BLK: variants seen among roughly 807,000 people sequenced by gnomAD.
BLK encodes the protein tyrosine-protein kinase Blk.
In BLK, 64 loss-of-function variants were observed where a neutral mutation model predicts 61.8. The ratio of observed to expected loss-of-function variants is 1.03; its 90% confidence interval spans 0.85 to 1.27. BLK has a LOEUF of 1.27. Ranked by LOEUF, BLK falls within the 50% of genes most tolerant of loss-of-function variation. The probability of loss-of-function intolerance (pLI) is 0.00; values close to 1 mark genes in which losing one functional copy is unlikely to be tolerated. For missense variants in BLK, 853 were observed against 660.5 expected, an observed-to-expected ratio of 1.29 and a Z score of -3.19; for synonymous variants, 351 against 272.0, an observed-to-expected ratio of 1.29 and a Z score of -2.86.
chr8:11,547,608 G>T (rs898364936), intron 3 of BLK, among the ~76,000 whole-genome samples: 1 of 152,252 alleles, frequency 6.6e-6, no homozygotes, highest in Non-Finnish European at 1.5e-5. Context: ...CCCTACTGGG[G>T]ATAGAGGCAG....
chr8:11,495,818 C>A (rs557094139), intron 1 of BLK, among the ~76,000 whole-genome samples: 4 of 152,204 alleles, frequency 2.6e-5, no homozygotes, highest in Admixed American at 6.5e-5. Context: ...ATTGTGGTAA[C>A]AATTACTGCT....
chr8:11,496,331 C>A (rs1186604973), intron 1 of BLK, among the ~76,000 whole-genome samples: 1 of 152,178 alleles, frequency 6.6e-6, no homozygotes, highest in Admixed American at 6.5e-5. Flanking sequence ...CACTGACCTC[C>A]TGGGCTCAAG....
At chr8:11,545,748 G>A (rs1234379828) in intron 2 of BLK, 10 of 454,310 alleles carry the variant, frequency 2.2e-5, no homozygotes, top group Non-Finnish European at 2.8e-5. Flanking sequence ...TCTTGTAATG[G>A]TAGAGCCAGG....
intron 1 of BLK, among the ~76,000 whole-genome samples, chr8:11,529,905 C>G (rs1418346677): frequency 6.6e-6 from 1 of 152,110 alleles, no homozygotes; most frequent in Non-Finnish European, 1.5e-5. Context: ...CTCAAGGAAT[C>G]CAGGTGAATA....
intron 6 of BLK, among the ~76,000 whole-genome samples, chr8:11,552,085 T>C (rs1046197505): frequency 2.6e-5 from 4 of 152,124 alleles, no homozygotes; most frequent in African/African-American, 9.7e-5. Flanking sequence ...GTCTGGAATA[T>C]GAGTCTGGTT....
At chr8:11,514,915 T>C (rs532640620) in intron 1 of BLK, among the ~76,000 whole-genome samples, 2 of 152,258 alleles carry the variant, frequency 1.3e-5, no homozygotes, top group Admixed American at 1.3e-4. Flanking sequence ...TGCTCAAATC[T>C]AGGAGTCACT....
At chr8:11,551,311 C>T (rs80327577) in intron 6 of BLK, among the ~76,000 whole-genome samples, 4,466 of 152,256 alleles carry the variant, frequency 0.029, 96 homozygotes, top group Middle Eastern at 0.068. Flanking sequence ...GCAGCGTTGG[C>T]TCCTCCCGGG....
intron 10 of BLK, chr8:11,559,071 C>T (rs755586380): frequency 4.4e-6 from 2 of 449,662 alleles, no homozygotes; most frequent in South Asian, 1.6e-5. Flanking sequence ...TTCCTTTCCC[C>T]TTCCTTCTCT....
chr8:11,506,769 C>G (rs1026271069), intron 1 of BLK, among the ~76,000 whole-genome samples: 1 of 152,198 alleles, frequency 6.6e-6, no homozygotes, highest in African/African-American at 2.4e-5. Context: ...GCCAAGCCCC[C>G]TCTCAGAGAT....
chr8:11,554,461 G>A (rs1324720435), intron 6 of BLK, among the ~76,000 whole-genome samples: 1 of 152,136 alleles, frequency 6.6e-6, no homozygotes, highest in East Asian at 1.9e-4. Context: ...CTACATGATT[G>A]CTGAGAAACT....
intron 1 of BLK, among the ~76,000 whole-genome samples, chr8:11,516,955 G>A (rs533593987): frequency 6.6e-6 from 1 of 152,218 alleles, no homozygotes; most frequent in African/African-American, 2.4e-5. Context: ...TGGCATTGCT[G>A]GATCATATGG....
Position 11,562,995 on chromosome 8 carries a change from C to A in BLK, c.1197C>A (p.Ile399=). Residue 399 remains isoleucine, a synonymous_variant, in exon 12 of 13, where the codon ATC becomes ATA. Coordinates refer to ENST00000259089, the MANE Select transcript of BLK (RefSeq NM_001715.3). ...YTAQEGAKFP[I]KWTAPEAIHF... ...TTCCCACAGGGGCCAAGTTCCCCAT[C>A]AAGTGGACAGCCCCGGAAGCCATCC... 6.2e-7 allele frequency: 1 copy of A among 1,614,132 alleles called. No individual in the cohort carries two copies. The highest frequency in any genetic ancestry group is 1.1e-5 in the South Asian group (1 of 91,090).
intron 1 of BLK, among the ~76,000 whole-genome samples, chr8:11,506,422 G>C (rs1798771432): frequency 6.6e-6 from 1 of 152,216 alleles, no homozygotes; most frequent in African/African-American, 2.4e-5. Context: ...ATGGAAGGTG[G>C]AAGGGCAGGT....
chr8:11,533,074 G>T (rs917822171), intron 1 of BLK, among the ~76,000 whole-genome samples: 1 of 145,906 alleles, frequency 6.9e-6, no homozygotes, highest in Non-Finnish European at 1.5e-5. Context: ...GGTGTACTAG[G>T]CACTGTGCCA....
In BLK at chr8:11,545,724, C is replaced by G. The variant is rs993454120; in HGVS notation, c.124-328C>G. On this transcript the variant is annotated intron_variant, in intron 2 of 12. Coordinates refer to ENST00000259089, the MANE Select transcript of BLK (RefSeq NM_001715.3). ...ATATTTTTTCTTGTCAACAAATACC[C>G]GTTTGCAGTTTGATCTTGTAATGGT... The G allele has an allele frequency of 4.5e-5, 18 of 401,510 alleles. No individual in the cohort carries two copies. In the East Asian group the frequency reaches 5.0e-4, roughly 11 times the overall value. The allele number at this position is 401,510 out of a possible 1,614,324, so 24.9% of individuals were successfully genotyped here. A position where few individuals can be genotyped will look rare whatever the true frequency, so the allele number is the denominator to read the frequency against.
At chr8:11,518,260 G>A (rs1176744901) in intron 1 of BLK, among the ~76,000 whole-genome samples, 2 of 152,168 alleles carry the variant, frequency 1.3e-5, no homozygotes, top group Admixed American at 6.5e-5. Flanking sequence ...AGCACCAGAT[G>A]GATTGCTTTT....
intron 2 of BLK, 129 bp downstream of exon 2, chr8:11,543,476 C>T (rs1269540412): frequency 7.6e-7 from 1 of 1,309,640 alleles, no homozygotes; most frequent in African/African-American, 1.5e-5. Flanking sequence ...AATGTATAAG[C>T]AGGTGTGCCA....
chr8:11,558,830 CACAT>C, intron 10 of BLK: 1 of 453,486 alleles, frequency 2.2e-6, no homozygotes, highest in South Asian at 1.6e-5. Context: ...CATACACACA[CACAT>C]ACAGCTGCCA....
At chr8:11,556,471 G>T (rs986844538) in intron 8 of BLK, 187 bp from the exon 9 acceptor site, 6 of 691,916 alleles carry the variant, frequency 8.7e-6, no homozygotes, top group Non-Finnish European at 1.5e-5. Flanking sequence ...ACTGCCTGAG[G>T]CCCCATATAG....
Sources: gnomAD v4.1 joint callset for allele counts (sites outside exome capture counted in the v4.1 genomes callset) on GRCh38, gnomAD v4.1.1 for gene constraint, MANE v1.5 for transcripts, NCBI Gene and HGNC (gene_info 2026-07-23, HGNC 2026-07-21) for gene names.